Variants in SCAPER observed in about 807,000 individuals in gnomAD.
SCAPER encodes the protein S phase cyclin A-associated protein in the endoplasmic reticulum.
SCAPER carries 98 observed loss-of-function variants against 182.2 expected under a neutral mutation model. The ratio of observed to expected loss-of-function variants is 0.54; its 90% CI spans 0.46 to 0.64. The LOEUF (loss-of-function observed/expected upper bound fraction) is 0.64. Among genes scored for constraint, SCAPER ranks in the 30% least tolerant of loss-of-function variants. SCAPER has a pLI of 0.00. For missense variants in SCAPER, 1,432 were observed against 1,690.0 expected (o/e 0.85, Z 2.68); for synonymous variants, 605 against 564.6 (o/e 1.07, Z -1.01).
chr15:76,568,210 T>TAC (rs899885729), intron 23 of SCAPER, among the ~76,000 whole-genome samples: 2 of 149,560 alleles, frequency 1.3e-5, no homozygotes, highest in African/African-American at 5.0e-5. Flanking sequence ...TATATATATA[T>TAC]ATATATATAT....
rs115906724 is a variant in SCAPER, at chr15:76,852,038, T to C, written c.195+5771A>G. On this transcript the variant is annotated intron_variant, in intron 4 of 31. Coordinates refer to ENST00000563290, the MANE Select transcript of SCAPER (RefSeq NM_020843.4). ...ATCAGAAAAAAAGGAGTGGTTACAA[T>C]CCTAACTTCAGACAAAACAGACTTT... Among the ~76,000 whole-genome samples the C allele has an allele frequency of 9.1e-3, 1,380 of 151,738 alleles. 22 individuals are homozygous for C. The highest frequency in any genetic ancestry group is 0.032 in the African/African-American group (1,341 of 41,324).
At chr15:76,496,393 G>T (rs529999834) in intron 24 of SCAPER, among the ~76,000 whole-genome samples, 31 of 152,214 alleles carry the variant, frequency 2.0e-4, no homozygotes, top group African/African-American at 7.5e-4. Flanking sequence ...ACCAGTCTGG[G>T]ACACTAAGTC....
At chr15:76,754,108 C>A (rs1252194305) in intron 14 of SCAPER, among the ~76,000 whole-genome samples, 160 bp from the exon 15 acceptor site, 1 of 152,022 alleles carries the variant, frequency 6.6e-6, no homozygotes, top group Non-Finnish European at 1.5e-5. Flanking sequence ...GCCAGACTAC[C>A]TGAATTCATA....
intron 23 of SCAPER, among the ~76,000 whole-genome samples, chr15:76,542,961 T>A (rs1378776781): frequency 6.6e-6 from 1 of 152,214 alleles, no homozygotes; most frequent in East Asian, 1.9e-4. Flanking sequence ...TACAAAGTTT[T>A]TCAGTTGTTT....
At chr15:76,512,999 C>T (rs1385492188) in intron 23 of SCAPER, among the ~76,000 whole-genome samples, 1 of 152,332 alleles carries the variant, frequency 6.6e-6, no homozygotes, top group African/African-American at 2.4e-5. Context: ...CCTCGGGACT[C>T]TCTTCCATGG....
At chr15:76,505,900 G>GTAC (rs1295073449) in intron 23 of SCAPER, among the ~76,000 whole-genome samples, 1 of 152,144 alleles carries the variant, frequency 6.6e-6, no homozygotes, top group Non-Finnish European at 1.5e-5. Context: ...ATGGAATGGA[G>GTAC]TACTATTCAG....
chr15:76,498,010 A>AAAAAAAAAAAAAAAAAAAAAAAC (rs2040743249), intron 24 of SCAPER, among the ~76,000 whole-genome samples: 1 of 149,262 alleles, frequency 6.7e-6, no homozygotes, highest in African/African-American at 2.5e-5. Flanking sequence ...AAAAAAAAAA[A>AAAAAAAAAAAAAAAAAAAAAAAC]AAAAAAAAAA....
At chr15:76,784,861 C>G (rs1192141359) in intron 8 of SCAPER, among the ~76,000 whole-genome samples, 4 of 152,168 alleles carry the variant, frequency 2.6e-5, no homozygotes, top group African/African-American at 9.7e-5. Flanking sequence ...CTTCCTTACA[C>G]CTTATACAAA....
At chr15:76,413,614 G>C (rs1467476525) in intron 26 of SCAPER, among the ~76,000 whole-genome samples, 1 of 152,198 alleles carries the variant, frequency 6.6e-6, no homozygotes, top group Non-Finnish European at 1.5e-5. Flanking sequence ...TTAGAGCAAA[G>C]GTCAGTTATG....
At chr15:76,566,092 C>T (rs530472153) in intron 23 of SCAPER, among the ~76,000 whole-genome samples, 4 of 152,140 alleles carry the variant, frequency 2.6e-5, no homozygotes, top group Admixed American at 2.6e-4. Context: ...ACACAGTTTT[C>T]TGAATATAAT....
chr15:76,775,458 T>C (rs1400252345), intron 8 of SCAPER, among the ~76,000 whole-genome samples: 8 of 152,090 alleles, frequency 5.3e-5, no homozygotes, highest in Non-Finnish European at 1.2e-4. Flanking sequence ...TCCTATAAGA[T>C]CAGTATTATC....
chr15:76,772,977 C>G (rs948473674), intron 9 of SCAPER, among the ~76,000 whole-genome samples: 2 of 151,812 alleles, frequency 1.3e-5, no homozygotes, highest in Non-Finnish European at 3.0e-5. Context: ...TTTAAAAATT[C>G]TACTATTGGT....
intron 23 of SCAPER, among the ~76,000 whole-genome samples, chr15:76,554,909 T>G (rs544899569): frequency 3.3e-5 from 5 of 151,882 alleles, no homozygotes; most frequent in Non-Finnish European, 7.4e-5. Flanking sequence ...AGCCTCCTGA[T>G]AGCTGGGATT....
intron 2 of SCAPER, among the ~76,000 whole-genome samples, chr15:76,871,272 G>T (rs891705669): frequency 6.6e-6 from 1 of 151,760 alleles, no homozygotes; most frequent in Non-Finnish European, 1.5e-5. Flanking sequence ...AACTGGGCAT[G>T]GTGGTGGGAG....
chr15:76,825,628 C>CTTTT (rs1243420549), intron 5 of SCAPER, among the ~76,000 whole-genome samples: 2 of 152,318 alleles, frequency 1.3e-5, no homozygotes, highest in Non-Finnish European at 2.9e-5. Flanking sequence ...AATTGACTAT[C>CTTTT]TTTTCTCCAC....
intron 8 of SCAPER, among the ~76,000 whole-genome samples, chr15:76,783,653 C>A (rs193264713): frequency 2.0e-5 from 3 of 152,166 alleles, no homozygotes; most frequent in Admixed American, 2.0e-4. Flanking sequence ...TACTGGCAAA[C>A]CGAATCCAGC....
intron 21 of SCAPER, among the ~76,000 whole-genome samples, chr15:76,647,728 A>G (rs2054661760): frequency 6.6e-6 from 1 of 152,230 alleles, no homozygotes; most frequent in South Asian, 2.1e-4. Context: ...AGGAACTGTA[A>G]GCTGAACAAG....
intron 24 of SCAPER, among the ~76,000 whole-genome samples, chr15:76,479,584 T>G (rs564335483): frequency 6.6e-6 from 1 of 152,252 alleles, no homozygotes; most frequent in South Asian, 2.1e-4. Flanking sequence ...TAAAATTGGG[T>G]CTTTTGACAA....
chr15:76,630,965 G>C (rs552487480), intron 21 of SCAPER, among the ~76,000 whole-genome samples: 1 of 152,292 alleles, frequency 6.6e-6, no homozygotes, highest in South Asian at 2.1e-4. Flanking sequence ...CTTGTTTTAT[G>C]AATCTGGGTA....
Sources: allele counts gnomAD v4.1 joint callset (sites outside exome capture counted in the v4.1 genomes callset), GRCh38; gene constraint gnomAD v4.1.1; transcripts MANE v1.5; gene names NCBI Gene and HGNC (gene_info 2026-07-23, HGNC 2026-07-21).